Variants in APBB1 observed in about 807,000 individuals in gnomAD.
The protein encoded by APBB1 is amyloid beta precursor protein binding family B member 1.
APBB1 carries 22 observed loss-of-function variants against 78.4 expected under a neutral mutation model. That is an observed-to-expected ratio of 0.28 (90% CI 0.20 to 0.40). The LOEUF (loss-of-function observed/expected upper bound fraction) is 0.40. Among genes scored for constraint, APBB1 ranks in the 10% least tolerant of loss-of-function variants. APBB1 has a pLI of 1.00. For synonymous variants in APBB1, 369 were observed against 372.7 expected, an observed-to-expected ratio of 0.99 and a Z score of 0.12; for missense variants, 749 against 932.4, an observed-to-expected ratio of 0.80 and a Z score of 2.56.
At chr11:6,398,602 G>C (rs1400167741) in intron 12 of APBB1, among the ~76,000 whole-genome samples, 1 of 152,206 alleles carries the variant, frequency 6.6e-6, no homozygotes. Context: ...TATGGGAATG[G>C]GGGTAACAAA....
At position 6,401,645 on chromosome 11, in the gene APBB1, T is replaced by C. The variant is rs1272767279; in HGVS notation, c.1432A>G (p.Lys478Glu). 1 of 1,614,064 alleles carries C rather than the reference T, an allele frequency of 6.2e-7. No individual in the cohort carries two copies. The highest frequency in any genetic ancestry group is 8.5e-7 in the Non-Finnish European group (1 of 1,180,030). Residue 478 changes from lysine to glutamate, a missense_variant, in exon 10 of 15, where the codon AAG becomes GAG. Coordinates refer to ENST00000609360, the MANE Select transcript of APBB1 (RefSeq NM_001164.5). The surrounding 1 kb of genome is among the most constrained non-coding windows in gnomAD (Gnocchi z 4.5). ...VARDKLTQML[K>E]CHVFRCEAPA... is the part of the protein sequence containing the mutation. ...GCCTCACAGCGAAACACGTGGCACT[T>C]GAGCATCTGGGTCAGCTTATCACGA...
Position 6,410,527 on chromosome 11 carries a change from G to C in APBB1, c.721+100C>G, listed in dbSNP as rs967085781. ...TGGCCTGCTGTGGCCTCAGGGTATG[G>C]GCTCTCAGCTCACATCAGGCTGGCA... On this transcript the variant is annotated intron_variant, in intron 2 of 14. Transcript: ENST00000609360. The C allele has an allele frequency of 9.3e-6, 10 of 1,072,196 alleles. No individual in the cohort carries two copies. The Admixed American group carries it at 1.8e-4, about 20-fold the overall frequency. The allele number at this position is 1,072,196 out of a possible 1,614,324, so 66.4% of individuals were successfully genotyped here.
chr11:6,406,147 G>A (rs1022439229), intron 2 of APBB1, among the ~76,000 whole-genome samples: 12 of 152,226 alleles, frequency 7.9e-5, no homozygotes, highest in African/African-American at 1.9e-4. Context: ...AGCCCACCCC[G>A]GCCTTTGCTT....
In APBB1 at chr11:6,395,358, C is replaced by T; in HGVS notation, c.*176G>A. On this transcript the variant is annotated 3_prime_UTR_variant, in exon 15 of 15. Transcript: ENST00000609360. This position sits in a 1 kb window ranked among gnomAD's most constrained non-coding sequence, Gnocchi z 5.2. ...GTTACCACTCCAGTGTTATCACTTC[C>T]TTGAAGGGATTAGATCTCTCCCTCC... The T allele has an allele frequency of 1.6e-6, 1 of 634,988 alleles. No homozygotes were observed. The highest frequency in any genetic ancestry group is 2.5e-6 in the Non-Finnish European group (1 of 398,188). The allele number at this position is 634,988 out of a possible 1,614,324, so 39.3% of individuals were successfully genotyped here.
rs780111283 is a variant in APBB1, at chr11:6,403,243, C to T, written c.1041-35G>A. 6 of 1,610,994 alleles carry T rather than the reference C, an allele frequency of 3.7e-6. No individual in the cohort carries two copies. The South Asian group carries it at 5.5e-5, about 15-fold the overall frequency. ...GATGGTAATACTTGGCACAGGGCTC[C>T]CATAAATGGAGCTGTCCCAAGGCCC... On this transcript the variant is annotated intron_variant, in intron 5 of 14. Transcript: ENST00000609360. The surrounding 1 kb of genome is among the most constrained non-coding windows in gnomAD (Gnocchi z 5.3).
rs917633357 is a variant in APBB1 at position 6,411,595 on chromosome 11, C to T, written c.-14-234G>A. On this transcript the variant is annotated intron_variant, in intron 1 of 14. Coordinates refer to ENST00000609360, the MANE Select transcript of APBB1 (RefSeq NM_001164.5). This position sits in a 1 kb window ranked among gnomAD's most constrained non-coding sequence, Gnocchi z 5.2. Reference sequence around the variant, plus strand: ...CCACCCCATCCCTATATCCCCTGCCCTGAGCTTTCTGGGATGGCACAGCTG... The same window carrying T: ...CCACCCCATCCCTATATCCCCTGCCTTGAGCTTTCTGGGATGGCACAGCTG... 6.6e-6 allele frequency among the ~76,000 whole-genome samples: 1 copy of T among 152,060 alleles called. No individual in the cohort carries two copies. The highest frequency in any genetic ancestry group is 2.4e-5 in the African/African-American group (1 of 41,384).
Position 6,403,060 on chromosome 11 carries a change from T to C in APBB1, c.1104+85A>G. ...TAACTCAGGACCTGGGGAACTGCGC[T>C]GAGACCCCTCAGAGCACAACATTAG... is the stretch of plus-strand genomic sequence containing the variant. On this transcript the variant is annotated intron_variant, in intron 6 of 14. Transcript: ENST00000609360. This position sits in a 1 kb window ranked among gnomAD's most constrained non-coding sequence, Gnocchi z 5.3. 7.5e-7 allele frequency: 1 copy of C among 1,326,138 alleles called. No individual in the cohort carries two copies. Among genetic ancestry groups the C allele is most frequent in the Admixed American group, 2.2e-5 (1 of 45,466 alleles). 82.1% of individuals were successfully genotyped at this position (1,326,138 alleles called of 1,614,324 possible). A position where few individuals can be genotyped will look rare whatever the true frequency, so the allele number is the denominator to read the frequency against.
At chr11:6,419,098 G>A, upstream of APBB1, 1 of 382,204 alleles carries the variant, frequency 2.6e-6, no homozygotes, top group Admixed American at 4.5e-5. Flanking sequence ...GCGGGCCGCG[G>A]GGCCGCGCCC....
intron 2 of APBB1, among the ~76,000 whole-genome samples, chr11:6,409,407 G>C (rs999832569): frequency 2.0e-5 from 3 of 152,202 alleles, no homozygotes; most frequent in African/African-American, 4.8e-5. Flanking sequence ...ATTTGCTTCA[G>C]AATAACCTAC....
intron 1 of APBB1, among the ~76,000 whole-genome samples, chr11:6,413,087 A>C (rs10839563): frequency 0.29 from 43,706 of 151,516 alleles, 7,221 homozygotes; most frequent in African/African-American, 0.46. Context: ...CGGACCCCCA[A>C]GAGAAAGTGC....
intron 1 of APBB1, among the ~76,000 whole-genome samples, chr11:6,417,920 T>C (rs1466570413): frequency 6.6e-6 from 1 of 152,228 alleles, no homozygotes; most frequent in African/African-American, 2.4e-5. Flanking sequence ...GAACTCCTGT[T>C]TGTCTTTCAA....
chr11:6,416,042 G>A (rs949267400), intron 1 of APBB1, among the ~76,000 whole-genome samples: 1 of 151,916 alleles, frequency 6.6e-6, no homozygotes. Flanking sequence ...CTCCCAACAC[G>A]ACTCAGTAAC....
Position 6,401,404 on chromosome 11 carries a change from C to A in APBB1, c.1529G>T (p.Arg510Leu). The change falls in exon 11 of 15, where the codon CGC (arginine) becomes CTC (leucine). Residue 510 changes from arginine to leucine, a missense_variant. Physicochemically the swap from Arg to Leu is moderately radical, Grantham distance 102 (BLOSUM62 -2). Transcript: ENST00000609360. The surrounding 1 kb of genome is among the most constrained non-coding windows in gnomAD (Gnocchi z 4.5). Reference protein sequence around the residue: ...SKIMAERRNARCLVNGLSLDH... With the variant: ...SKIMAERRNALCLVNGLSLDH... ...CAGGGAGAGTCCATTTACCAAGCAG[C>A]GGGCATTACGCCGTTCGGCCATGAT... 1 of 1,614,024 alleles carries A rather than the reference C, an allele frequency of 6.2e-7. No individual in the cohort carries two copies. The highest frequency in any genetic ancestry group is 8.5e-7 in the Non-Finnish European group (1 of 1,180,008).
In APBB1 at chr11:6,401,502, C is replaced by T; in HGVS notation, c.1503+72G>A. Reference sequence around the variant, plus strand: ...TCATTGCCCTGGGGCCCCCCTACAGCACTCAGTGACCCCACCCACACCCTT... The same window carrying T: ...TCATTGCCCTGGGGCCCCCCTACAGTACTCAGTGACCCCACCCACACCCTT... On this transcript the variant is annotated intron_variant, in intron 10 of 14. Coordinates refer to ENST00000609360, the MANE Select transcript of APBB1 (RefSeq NM_001164.5). This position sits in a 1 kb window ranked among gnomAD's most constrained non-coding sequence, Gnocchi z 4.5. 6.2e-7 allele frequency: 1 copy of T among 1,613,196 alleles called. No individual in the cohort carries two copies. The highest frequency in any genetic ancestry group is 8.5e-7 in the Non-Finnish European group (1 of 1,179,360).
rs192393163 is a variant in APBB1, at chr11:6,404,680, C to A, written c.722-858G>T. ...CCAACCCTGTAACCCGCTCATGCGT[C>A]CTCTAACTCTTCTCTCCCTGTCAGC... is the stretch of plus-strand genomic sequence containing the variant. On this transcript the variant is annotated intron_variant, in intron 2 of 14. Coordinates refer to ENST00000609360, the MANE Select transcript of APBB1 (RefSeq NM_001164.5). 1.9e-3 allele frequency: 2,975 copies of A among 1,536,180 alleles called. 106 individuals carry two copies. The Admixed American group carries it at 0.055, about 28-fold the overall frequency.
intron 1 of APBB1, among the ~76,000 whole-genome samples, chr11:6,418,286 G>A (rs778057194): frequency 1.3e-5 from 2 of 152,244 alleles, no homozygotes; most frequent in Non-Finnish European, 2.9e-5. Context: ...CCACAAGGAG[G>A]TCTCCGGTGA....
At chr11:6,398,503 C>G (rs1848340654) in intron 12 of APBB1, among the ~76,000 whole-genome samples, 2 of 152,136 alleles carry the variant, frequency 1.3e-5, no homozygotes, top group South Asian at 4.1e-4. Flanking sequence ...GTTTAGAGAC[C>G]ACTTGTCCAA....
Position 6,396,067 on chromosome 11 carries a change from G to T in APBB1, c.1788+33C>A, listed in dbSNP as rs1233485160. On this transcript the variant is annotated intron_variant, in intron 13 of 14. Coordinates refer to ENST00000609360, the MANE Select transcript of APBB1 (RefSeq NM_001164.5). ...ACCCCCAGTCTCCCCTCTATGGCAA[G>T]GCGCAGCCACGACTTCTACCCCAGC... The T allele has an allele frequency of 3.8e-6, 6 of 1,594,892 alleles. No homozygotes were observed. The African/African-American group carries it at 8.1e-5, about 22-fold the overall frequency.
intron 2 of APBB1, chr11:6,405,729 G>C (rs895225596): frequency 2.1e-6 from 2 of 966,582 alleles, no homozygotes; most frequent in Non-Finnish European, 2.5e-6. Context: ...AGCCATCACC[G>C]CCTCTCCTCA....
Sources: gnomAD v4.1 joint callset for allele counts (sites outside exome capture counted in the v4.1 genomes callset) on GRCh38, gnomAD v4.1.1 for gene constraint, Gnocchi (gnomAD v3.1) non-coding constraint, MANE v1.5 for transcripts, NCBI Gene and HGNC (gene_info 2026-07-23, HGNC 2026-07-21) for gene names.